The following BRINP2 variants were observed in gnomAD, a reference collection of about 807,000 sequenced individuals.
BRINP2 encodes the protein BMP/retinoic acid-inducible neural-specific protein 2.
BRINP2 carries 21 observed loss-of-function variants against 69.2 expected under a neutral mutation model. That is an observed-to-expected ratio of 0.30 (90% CI 0.22 to 0.44). The LOEUF is 0.44. Ranked by LOEUF, BRINP2 falls within the 20% of genes least tolerant of loss-of-function variation. The pLI, the probability that BRINP2 is intolerant of heterozygous loss-of-function variation, is 1.00. For synonymous variants in BRINP2, 380 were observed against 394.1 expected (o/e 0.96, Z 0.42); for missense variants, 877 against 986.0 (o/e 0.89, Z 1.48).
chr1:177,256,855 A>G, intron 3 of BRINP2: 1 of 1,179,668 alleles, frequency 8.5e-7, no homozygotes, highest in Non-Finnish European at 1.1e-6. Flanking sequence ...GACTCCTCGT[A>G]AACAACTTGA....
intron 2 of BRINP2, among the ~76,000 whole-genome samples, chr1:177,254,185 CT>C (rs1475910060): frequency 6.6e-6 from 1 of 152,150 alleles, no homozygotes; most frequent in Non-Finnish European, 1.5e-5. Flanking sequence ...ACTTTGCAAT[CT>C]TCTAGAATAA....
intron 1 of BRINP2, among the ~76,000 whole-genome samples, chr1:177,204,733 A>T (rs982167464): frequency 2.6e-5 from 4 of 152,176 alleles, no homozygotes; most frequent in African/African-American, 9.6e-5. Flanking sequence ...ATTTAGGAAA[A>T]ACAGATTAGC....
chr1:177,268,771 G>A (rs1380047285), intron 4 of BRINP2, among the ~76,000 whole-genome samples: 42 of 152,132 alleles, frequency 2.8e-4, no homozygotes, highest in Non-Finnish European at 1.5e-5. Context: ...TCCCTTTAGA[G>A]TATTGTCTGG....
intron 4 of BRINP2, among the ~76,000 whole-genome samples, chr1:177,257,636 T>C (rs1650813446): frequency 6.6e-6 from 1 of 152,166 alleles, no homozygotes; most frequent in Non-Finnish European, 1.5e-5. Flanking sequence ...GTCCCCATGC[T>C]CACAGAGGTT....
rs757573324 is a variant in BRINP2 at position 177,229,893 on chromosome 1, G to T, written c.17G>T (p.Gly6Val). MRWQC[G>V]TRFRGLRPAV... ...GGGAGAAGCATGAGGTGGCAGTGTG[G>T]CACTCGGTTTAGAGGGCTTCGGCCG... Residue 6 changes from glycine to valine, a missense_variant, in exon 2 of 8, where the codon GGC becomes GTC. Gly to Val is a moderately radical substitution (Grantham distance 109). Around this residue, in one of 3 missense-constraint regions of BRINP2, gnomAD observed 566 missense variants for 625.2 expected, o/e 0.91. Coordinates refer to ENST00000361539, the MANE Select transcript of BRINP2 (RefSeq NM_021165.4). 1 of 1,589,006 alleles carries T rather than the reference G, an allele frequency of 6.3e-7. No homozygotes were observed. The highest frequency in any genetic ancestry group is 8.6e-7 in the Non-Finnish European group (1 of 1,163,410).
At chr1:177,271,413 A>G (rs971306394) in intron 4 of BRINP2, among the ~76,000 whole-genome samples, 1 of 152,166 alleles carries the variant, frequency 6.6e-6, no homozygotes, top group Non-Finnish European at 1.5e-5. Context: ...TGGCATGTAA[A>G]GGGTTTAGAC....
At chr1:177,216,164 T>C (rs1203291498) in intron 1 of BRINP2, among the ~76,000 whole-genome samples, 3 of 152,056 alleles carry the variant, frequency 2.0e-5, no homozygotes, top group Admixed American at 6.5e-5. Context: ...GTTAATTGTT[T>C]TCTGGTTGTT....
Position 177,257,287 on chromosome 1 carries a change from T to C in BRINP2, c.572T>C (p.Leu191Pro), listed in dbSNP as rs1650797593. ...GGSGNSTAVS[L>P]ETLHQLAASY... ...AGTGGGAACAGCACAGCTGTGTCCC[T>C]GGAGACCCTGCACCAGCTGGCCGCC... is the stretch of plus-strand genomic sequence containing the variant. Residue 191 changes from leucine (L) to proline (P), a missense_variant, in exon 4 of 8, where the codon CTG (leucine) becomes CCG (proline). Physicochemically the swap from Leu to Pro is moderately conservative, Grantham distance 98. Coordinates refer to ENST00000361539, the MANE Select transcript of BRINP2 (RefSeq NM_021165.4). 1 of 1,614,062 alleles carries C rather than the reference T, an allele frequency of 6.2e-7. No homozygotes were observed. The highest frequency in any genetic ancestry group is 1.7e-5 in the Admixed American group (1 of 60,014).
intron 6 of BRINP2, among the ~76,000 whole-genome samples, chr1:177,277,821 G>T (rs1651548551): frequency 6.6e-6 from 1 of 152,070 alleles, no homozygotes; most frequent in South Asian, 2.1e-4. Context: ...CCTGGTAGCT[G>T]CAGGTCCCAA....
intron 1 of BRINP2, among the ~76,000 whole-genome samples, chr1:177,179,275 T>C (rs1648176709): frequency 6.6e-6 from 1 of 152,188 alleles, no homozygotes. Context: ...AACATTCAAA[T>C]TGAGGTGTAA....
intron 7 of BRINP2, among the ~76,000 whole-genome samples, chr1:177,279,454 A>C (rs1408046272): frequency 6.6e-6 from 1 of 152,240 alleles, no homozygotes; most frequent in African/African-American, 2.4e-5. Flanking sequence ...AAAACCAGAA[A>C]TGAAAGCTTC....
chr1:177,273,611 G>A lies in BRINP2; in HGVS notation c.775+18G>A, dbSNP rs183267616. On this transcript the variant is annotated intron_variant, in intron 5 of 7. Coordinates refer to ENST00000361539, the MANE Select transcript of BRINP2 (RefSeq NM_021165.4). ...GTTACTTGGTAAGCAGCACTATGAT[G>A]GTTTTCATACCTTTCACACCTGATT... 1.4e-4 allele frequency: 203 copies of A among 1,487,386 alleles called. No individual in the cohort carries two copies. The highest frequency in any genetic ancestry group is 1.8e-4 in the Non-Finnish European group (194 of 1,095,364). 92.1% of individuals were successfully genotyped at this position (1,487,386 alleles called of 1,614,324 possible).
intron 2 of BRINP2, among the ~76,000 whole-genome samples, chr1:177,242,103 T>A (rs1310298382): frequency 6.6e-6 from 1 of 152,246 alleles, no homozygotes; most frequent in Non-Finnish European, 1.5e-5. Flanking sequence ...ACCTGGCTAC[T>A]GTCACTCCTG....
chr1:177,237,176 G>C (rs531124892), intron 2 of BRINP2, among the ~76,000 whole-genome samples: 2 of 152,066 alleles, frequency 1.3e-5, no homozygotes, highest in African/African-American at 4.8e-5. Context: ...TCAGGGTAAG[G>C]TTACCACACC....
intron 6 of BRINP2, among the ~76,000 whole-genome samples, chr1:177,277,059 G>A (rs1651523588): frequency 6.6e-6 from 1 of 152,110 alleles, no homozygotes; most frequent in Admixed American, 6.5e-5. Flanking sequence ...ACTCTGCATG[G>A]TATATTTGCA....
chr1:177,189,812 C>G (rs1299983052), intron 1 of BRINP2, among the ~76,000 whole-genome samples: 1 of 152,146 alleles, frequency 6.6e-6, no homozygotes, highest in African/African-American at 2.4e-5. Context: ...CTCCTGTCTC[C>G]TAAGGCAACC....
intron 7 of BRINP2, among the ~76,000 whole-genome samples, chr1:177,280,132 A>G (rs955583399): frequency 6.6e-6 from 1 of 152,186 alleles, no homozygotes; most frequent in African/African-American, 2.4e-5. Context: ...AGGTTTTTGA[A>G]TAAGGGAATG....
At chr1:177,256,691 T>A (rs1422730940) in intron 3 of BRINP2, 1 of 1,046,494 alleles carries the variant, frequency 9.6e-7, no homozygotes, top group Non-Finnish European at 1.2e-6. Context: ...GGATTTATTA[T>A]AACATTTAGC....
At chr1:177,207,895 A>C (rs1351458295) in intron 1 of BRINP2, among the ~76,000 whole-genome samples, 1 of 152,196 alleles carries the variant, frequency 6.6e-6, no homozygotes, top group Non-Finnish European at 1.5e-5. Context: ...AAATAAAGAC[A>C]GAAAGACAGA....
Sources: allele counts gnomAD v4.1 joint callset (sites outside exome capture counted in the v4.1 genomes callset), GRCh38; gene constraint gnomAD v4.1.1; regional missense constraint gnomAD v4.1.1; transcripts MANE v1.5; gene names NCBI Gene and HGNC (gene_info 2026-07-23, HGNC 2026-07-21).